COL23A1: variants seen among roughly 807,000 people sequenced by gnomAD.
COL23A1 encodes the protein collagen type XXIII alpha 1 chain, also known as collagen alpha-1(XXIII) chain.
COL23A1 carries 97 observed loss-of-function variants against 99.3 expected under a neutral mutation model. The observed-to-expected ratio is 0.98, with a 90% CI of 0.83 to 1.16. The LOEUF is 1.16. COL23A1 is among the 50% of genes most tolerant of loss of function. The probability of loss-of-function intolerance (pLI) is 0.00; values close to 1 mark genes in which losing one functional copy is unlikely to be tolerated. For synonymous variants in COL23A1, 320 were observed against 308.2 expected (o/e 1.04, Z -0.40); for missense variants, 762 against 757.4 (o/e 1.01, Z -0.07).
intron 3 of COL23A1, among the ~76,000 whole-genome samples, chr5:178,304,478 C>A (rs766844441): frequency 7.0e-6 from 1 of 142,746 alleles, no homozygotes; most frequent in Non-Finnish European, 1.5e-5. Flanking sequence ...CCACTGCACT[C>A]CAGCCTGAGT....
In COL23A1 at chr5:178,470,410, C is replaced by T. The variant is rs78668991; in HGVS notation, c.361+90272G>A. ...CACCGCCAATTAGAACTGTTCCTCA[C>T]TGGAAAGACTGCCTAGACAAACCAC... On this transcript the variant is annotated intron_variant, in intron 2 of 28. Coordinates refer to ENST00000390654, the MANE Select transcript of COL23A1 (RefSeq NM_173465.4). Among the ~76,000 whole-genome samples the T allele has an allele frequency of 6.5e-3, 989 of 152,342 alleles. 16 individuals are homozygous for T. Among genetic ancestry groups the T allele is most frequent in the African/African-American group, 0.023 (939 of 41,582 alleles).
chr5:178,577,703 A>T (rs1763452932), intron 1 of COL23A1, among the ~76,000 whole-genome samples: 2 of 152,258 alleles, frequency 1.3e-5, no homozygotes, highest in African/African-American at 4.8e-5. Flanking sequence ...CCCGCGGGGC[A>T]GCCCCAGAAG....
chr5:178,373,655 A>G (rs1762917991), intron 2 of COL23A1, among the ~76,000 whole-genome samples: 1 of 152,132 alleles, frequency 6.6e-6, no homozygotes, highest in South Asian at 2.1e-4. Flanking sequence ...ACCTCAGGTG[A>G]TCCGCCTGCC....
intron 2 of COL23A1, among the ~76,000 whole-genome samples, chr5:178,455,005 G>T (rs1265600249): frequency 6.6e-6 from 1 of 152,228 alleles, no homozygotes; most frequent in Admixed American, 6.5e-5. Context: ...CAGCAGCTGG[G>T]CCGCTCCTCT....
chr5:178,537,756 C>T lies in COL23A1; in HGVS notation c.361+22926G>A, dbSNP rs552718037. Among the ~76,000 whole-genome samples the T allele has an allele frequency of 9.2e-5, 14 of 152,354 alleles. 1 individual carries two copies. The South Asian group carries it at 2.7e-3, about 29-fold the overall frequency. On this transcript the variant is annotated intron_variant, in intron 2 of 28. Transcript: ENST00000390654. ...ACGGCATGACGTTTACGTGGTGAAA[C>T]GTGCGCGGCACGACGTTTAAGTGGT...
At chr5:178,462,432 A>G (rs995332089) in intron 2 of COL23A1, among the ~76,000 whole-genome samples, 1 of 152,216 alleles carries the variant, frequency 6.6e-6, no homozygotes, top group Non-Finnish European at 1.5e-5. Context: ...AACTTACTTC[A>G]GTCATTTAAA....
intron 2 of COL23A1, among the ~76,000 whole-genome samples, chr5:178,502,659 C>T (rs1758633951): frequency 6.6e-6 from 1 of 152,162 alleles, no homozygotes; most frequent in African/African-American, 2.4e-5. Flanking sequence ...AAGTCTTGTT[C>T]ACTGCAAATG....
intron 2 of COL23A1, among the ~76,000 whole-genome samples, chr5:178,407,457 A>T (rs1191796745): frequency 6.6e-6 from 1 of 152,254 alleles, no homozygotes; most frequent in Non-Finnish European, 1.5e-5. Context: ...ACCAAGAACC[A>T]GGCAAACCTC....
rs1206029622 is a variant in COL23A1 at position 178,415,487 on chromosome 5, G to C, written c.362-108568C>G. ...CCCTGCTGCCTCTCTGCACAGGCTT[G>C]CTGCTGCCAGCCGGCCTCCACGAAC... On this transcript the variant is annotated intron_variant, in intron 2 of 28. Transcript: ENST00000390654. The surrounding 1 kb of genome is among the most constrained non-coding windows in gnomAD (Gnocchi z 4.6). Among the ~76,000 whole-genome samples, 1 of 152,176 alleles carries C rather than the reference G, an allele frequency of 6.6e-6. No homozygotes were observed. The highest frequency in any genetic ancestry group is 1.9e-4 in the East Asian group (1 of 5,186).
chr5:178,259,632 T>G, intron 12 of COL23A1, 89 bp downstream of exon 12: 1 of 501,700 alleles, frequency 2.0e-6, no homozygotes, highest in Non-Finnish European at 3.8e-6. Context: ...CCCGTCCCCA[T>G]CCCCATCCCC....
chr5:178,314,826 G>A (rs1273950942), intron 2 of COL23A1, among the ~76,000 whole-genome samples: 1 of 152,160 alleles, frequency 6.6e-6, no homozygotes, highest in African/African-American at 2.4e-5. Flanking sequence ...TTCTGAGGCC[G>A]TACGCTGGTA....
intron 5 of COL23A1, among the ~76,000 whole-genome samples, chr5:178,271,461 C>T (rs1863990): frequency 0.52 from 78,729 of 152,088 alleles, 23,069 homozygotes; most frequent in Non-Finnish European, 0.68. Flanking sequence ...TTCTCCTTCC[C>T]AGAGTCAGGC....
chr5:178,570,995 A>C (rs1289573539), intron 1 of COL23A1, among the ~76,000 whole-genome samples: 1 of 152,168 alleles, frequency 6.6e-6, no homozygotes, highest in Non-Finnish European at 1.5e-5. Flanking sequence ...CGCAGACAGC[A>C]TTCACACTGG....
At chr5:178,588,200 T>G (rs752448093) in intron 1 of COL23A1, among the ~76,000 whole-genome samples, 41 of 152,062 alleles carry the variant, frequency 2.7e-4, no homozygotes, top group Non-Finnish European at 4.6e-4. Flanking sequence ...CAGGTAAAAT[T>G]CAGTGCAGCC....
In COL23A1 at chr5:178,366,882, C is replaced by A. The variant is rs1249886619; in HGVS notation, c.362-59963G>T. Among the ~76,000 whole-genome samples the A allele has an allele frequency of 3.3e-5, 5 of 152,230 alleles. No homozygotes were observed. The highest frequency in any genetic ancestry group is 7.3e-5 in the Non-Finnish European group (5 of 68,040). ...CTCCTCTGCAGCCCCACGTGGCCCA[C>A]TTGGCATGAGTGGCTGGCTTGCTCG... is the stretch of plus-strand genomic sequence containing the variant. On this transcript the variant is annotated intron_variant, in intron 2 of 28. Transcript: ENST00000390654. This position sits in a 1 kb window ranked among gnomAD's most constrained non-coding sequence, Gnocchi z 4.4.
rs572792137 is a variant in COL23A1, at chr5:178,322,843, C to T, written c.362-15924G>A. ...CAGCAACACTCCCAACACAGGCATGCACCACAACGCAGCATGGGAAGGCAG... is the reference window on the plus strand; with the variant it reads ...CAGCAACACTCCCAACACAGGCATGTACCACAACGCAGCATGGGAAGGCAG... On this transcript the variant is annotated intron_variant, in intron 2 of 28. Transcript: ENST00000390654. Among the ~76,000 whole-genome samples, 8 of 152,300 alleles carry T rather than the reference C, an allele frequency of 5.3e-5. No individual in the cohort carries two copies. The South Asian group carries it at 1.5e-3, about 28-fold the overall frequency.
intron 1 of COL23A1, among the ~76,000 whole-genome samples, chr5:178,573,460 CCATTGGCACACTG>C (rs1408431569): frequency 6.6e-6 from 1 of 152,180 alleles, no homozygotes; most frequent in Non-Finnish European, 1.5e-5. Context: ...TCAGTGACTC[CCATTGGCACACTG>C]AGTGACTCTC....
chr5:178,425,856 T>G (rs1765901906), intron 2 of COL23A1, among the ~76,000 whole-genome samples: 1 of 152,188 alleles, frequency 6.6e-6, no homozygotes, highest in Non-Finnish European at 1.5e-5. Context: ...GTCTTGAGAG[T>G]GCCGTGGCAG....
intron 2 of COL23A1, among the ~76,000 whole-genome samples, chr5:178,376,472 T>C (rs1441477911): frequency 6.6e-6 from 1 of 152,218 alleles, no homozygotes; most frequent in Non-Finnish European, 1.5e-5. Flanking sequence ...TGCCTGGTGC[T>C]GGGGAGACCC....
Sources: allele counts gnomAD v4.1 joint callset (sites outside exome capture counted in the v4.1 genomes callset), GRCh38; gene constraint gnomAD v4.1.1; non-coding constraint Gnocchi (gnomAD v3.1); transcripts MANE v1.5; gene names NCBI Gene and HGNC (gene_info 2026-07-23, HGNC 2026-07-21).